BBC3: variants seen among roughly 807,000 people sequenced by gnomAD.
BBC3 encodes BCL2 binding component 3.
A neutral mutation model predicts 18.2 loss-of-function variants in BBC3; 5 were observed. The observed-to-expected ratio is 0.27, with a 90% CI of 0.14 to 0.58. BBC3 has a LOEUF of 0.58. Ranked by LOEUF, BBC3 falls within the 20% of genes least tolerant of loss-of-function variation. The pLI is 0.91. For synonymous variants in BBC3, 119 were observed against 128.0 expected, an observed-to-expected ratio of 0.93 and a Z score of 0.47; for missense variants, 224 against 268.9, an observed-to-expected ratio of 0.83 and a Z score of 1.17.
Position 47,228,905 on chromosome 19 carries a change from C to G in BBC3, c.-15-459G>C, listed in dbSNP as rs1046539852. Among the ~76,000 whole-genome samples the G allele has an allele frequency of 1.3e-5, 2 of 151,998 alleles. No individual in the cohort carries two copies. Among genetic ancestry groups the G allele is most frequent in the African/African-American group, 4.8e-5 (2 of 41,342 alleles). On this transcript the variant is annotated intron_variant, in intron 1 of 3. Transcript: ENST00000439096. The surrounding 1 kb of genome is among the most constrained non-coding windows in gnomAD (Gnocchi z 5.5). ...CACACACACAAGGACTCACACGGGA[C>G]TGGCCAGCCTGACCGCCCACCCCAC...
rs184609559 is a variant in BBC3, at chr19:47,221,790, G to A, written c.*12C>T. The A allele has an allele frequency of 8.6e-5, 139 of 1,610,338 alleles. No individual in the cohort carries two copies. Among genetic ancestry groups the A allele is most frequent in the Middle Eastern group, 8.4e-4 (5 of 5,964 alleles). On this transcript the variant is annotated 3_prime_UTR_variant, in exon 4 of 4. Coordinates refer to ENST00000439096, the MANE Select transcript of BBC3 (RefSeq NM_014417.5). ...CCCGAGTCCCTGACGTCCACCGGGC[G>A]GGTGCAGGCACCTAATTGGGCTCCA...
intron 2 of BBC3, among the ~76,000 whole-genome samples, chr19:47,227,825 T>A (rs947754195): frequency 1.3e-5 from 2 of 152,076 alleles, no homozygotes; most frequent in East Asian, 1.9e-4. Context: ...CCACTCTCCC[T>A]GCAACAGGAA....
chr19:47,222,182 T>G, intron 3 of BBC3: 2 of 405,002 alleles, frequency 4.9e-6, no homozygotes, highest in Non-Finnish European at 4.4e-6. Flanking sequence ...GACTGCCCCG[T>G]CTCTGTTGTA....
At chr19:47,231,743 G>A (rs2058917636), upstream of BBC3, among the ~76,000 whole-genome samples, 1 of 152,022 alleles carries the variant, frequency 6.6e-6, no homozygotes, top group Non-Finnish European at 1.5e-5. This position sits in a 1 kb window ranked among gnomAD's most constrained non-coding sequence, Gnocchi z 4.0. Flanking sequence ...ACAAGCAGAC[G>A]GACACAATGA....
Position 47,221,349 on chromosome 19 carries a change from G to T in BBC3, c.*453C>A, listed in dbSNP as rs1049842632. On this transcript the variant is annotated 3_prime_UTR_variant, in exon 4 of 4. Coordinates refer to ENST00000439096, the MANE Select transcript of BBC3 (RefSeq NM_014417.5). ...ACGTTTGGCTCATTTGCTCTTCACGGGCCCCCTCCCAGGAGGAGGGGGGGA... is the reference window on the plus strand; with the variant it reads ...ACGTTTGGCTCATTTGCTCTTCACGTGCCCCCTCCCAGGAGGAGGGGGGGA... The T allele has an allele frequency of 4.4e-6, 1 of 229,690 alleles. No individual in the cohort carries two copies. The highest frequency in any genetic ancestry group is 1.2e-4 in the East Asian group (1 of 8,142). 14.2% of individuals were successfully genotyped at this position (229,690 alleles called of 1,614,324 possible).
chr19:47,231,344 G>A (rs1221235000), upstream of BBC3: 3 of 375,742 alleles, frequency 8.0e-6, no homozygotes, highest in Admixed American at 6.5e-5. This position sits in a 1 kb window ranked among gnomAD's most constrained non-coding sequence, Gnocchi z 4.0. Context: ...TTGCAGGCGC[G>A]CGCCGCGCCC....
In BBC3 at chr19:47,228,291, G is replaced by A. The variant is rs2058863856; in HGVS notation, c.141C>T (p.Ala47=). ...CGLCEPGLAA[A]PAAPTLLPAA... ...CGGGCAGCAGGGTGGGGGCGGCGGG[G>A]GCGGCAGCCAGGCCGGGCTCGCAGA... The change falls in exon 2 of 4, where the codon GCC becomes GCT. Residue 47 remains alanine, a synonymous_variant. Transcript: ENST00000439096. The surrounding 1 kb of genome is among the most constrained non-coding windows in gnomAD (Gnocchi z 5.5). 2.5e-6 allele frequency: 3 copies of A among 1,219,620 alleles called. No individual in the cohort carries two copies. Among genetic ancestry groups the A allele is most frequent in the Non-Finnish European group, 3.1e-6 (3 of 980,328 alleles). 75.5% of individuals were successfully genotyped at this position (1,219,620 alleles called of 1,614,324 possible). A position where few individuals can be genotyped will look rare whatever the true frequency, so the allele number is the denominator to read the frequency against.
At chr19:47,224,623 C>T (rs1011299858) in intron 3 of BBC3, among the ~76,000 whole-genome samples, 2 of 151,590 alleles carry the variant, frequency 1.3e-5, no homozygotes, top group African/African-American at 4.9e-5. Context: ...GACCCTGTCT[C>T]TAAACATAAA....
At chr19:47,231,551 T>C (rs1248406669), upstream of BBC3, among the ~76,000 whole-genome samples, 2 of 152,024 alleles carry the variant, frequency 1.3e-5, no homozygotes, top group African/African-American at 4.8e-5. The surrounding 1 kb of genome is among the most constrained non-coding windows in gnomAD (Gnocchi z 4.0). Context: ...CGACGGGCGT[T>C]CCAGGGTCCA....
At position 47,230,582 on chromosome 19, in the gene BBC3, C is replaced by A. The variant is rs1344050977; in HGVS notation, c.-16+347G>T. ...TGGGTGTGGCCGCCCCTCCGTGCCG[C>A]CCCCCCGCCCCTCCCGGACTTTGGG... is the stretch of plus-strand genomic sequence containing the variant. On this transcript the variant is annotated intron_variant, in intron 1 of 3. Coordinates refer to ENST00000439096, the MANE Select transcript of BBC3 (RefSeq NM_014417.5). This position sits in a 1 kb window ranked among gnomAD's most constrained non-coding sequence, Gnocchi z 6.7. Among the ~76,000 whole-genome samples the A allele has an allele frequency of 6.6e-6, 1 of 151,412 alleles. No individual in the cohort carries two copies.
Position 47,221,595 on chromosome 19 carries a change from G to C in BBC3, c.*207C>G. On this transcript the variant is annotated 3_prime_UTR_variant, in exon 4 of 4. Transcript: ENST00000439096. The stretch of plus-strand genomic sequence containing the variant: ...CGTCCCTCTCCTGGCTTCTTGGCCA[G>C]GGACCCAGGAGTCCGCATCTCCGTC... The C allele has an allele frequency of 1.9e-6, 2 of 1,068,936 alleles. No homozygotes were observed. Among genetic ancestry groups the C allele is most frequent in the Non-Finnish European group, 1.3e-6 (1 of 757,474 alleles). 66.2% of individuals were successfully genotyped at this position (1,068,936 alleles called of 1,614,324 possible).
chr19:47,229,500 ACT>A (rs1007140048), intron 1 of BBC3, among the ~76,000 whole-genome samples: 79 of 151,264 alleles, frequency 5.2e-4, no homozygotes, highest in African/African-American at 1.9e-3. Context: ...CCTACAGCTA[ACT>A]CTAATCCCAC....
At position 47,221,820 on chromosome 19, in the gene BBC3, G is replaced by C; in HGVS notation, c.564C>G (p.Pro188=). Reference sequence around the variant, plus strand: ...CAGGCACCTAATTGGGCTCCATCTCGGGGGCTCTGTGGCCCCTGGGTAAGG... The same window carrying C: ...CAGGCACCTAATTGGGCTCCATCTCCGGGGCTCTGTGGCCCCTGGGTAAGG... ...LLPLPRGHRA[P]EMEPN The change falls in exon 4 of 4, where the codon CCC becomes CCG. Residue 188 remains proline (P), a synonymous_variant. Transcript: ENST00000439096. 2 of 1,613,462 alleles carry C rather than the reference G, an allele frequency of 1.2e-6. No homozygotes were observed. The highest frequency in any genetic ancestry group is 1.7e-6 in the Non-Finnish European group (2 of 1,179,764).
intron 3 of BBC3, among the ~76,000 whole-genome samples, chr19:47,225,654 G>T (rs1286365289): frequency 6.6e-6 from 1 of 152,184 alleles, no homozygotes; most frequent in Non-Finnish European, 1.5e-5. Flanking sequence ...ACCGTGCCTG[G>T]CTGAACATAG....
chr19:47,222,008 C>A (rs555706070), intron 3 of BBC3, 90 bp from the exon 4 acceptor site: 27 of 1,180,868 alleles, frequency 2.3e-5, no homozygotes, highest in Non-Finnish European at 2.9e-5. Flanking sequence ...AGCGAGGCGA[C>A]AGTCTCGCCC....
intron 2 of BBC3, 60 bp from the exon 3 acceptor site, chr19:47,226,814 C>G (rs992160258): frequency 2.3e-6 from 3 of 1,306,112 alleles, no homozygotes; most frequent in African/African-American, 3.1e-5. Flanking sequence ...CGAGGTGTCT[C>G]GGCCTGCTCC....
At chr19:47,222,593 T>C (rs1370803796) in intron 3 of BBC3, 8 of 152,202 alleles carry the variant, frequency 5.3e-5, no homozygotes, top group African/African-American at 9.7e-5. Context: ...TCCCAGCACT[T>C]TGAGAGGCCA....
At chr19:47,224,524 G>A (rs567775327) in intron 3 of BBC3, among the ~76,000 whole-genome samples, 1 of 152,138 alleles carries the variant, frequency 6.6e-6, no homozygotes, top group East Asian at 1.9e-4. Context: ...TACTTGGGAG[G>A]CTGAGGCGGG....
rs758746299 is a variant in BBC3 at position 47,221,927 on chromosome 19, AAG to A, written c.466-11_466-10del. 24 of 1,594,186 alleles carry A rather than the reference AAG, an allele frequency of 1.5e-5. No homozygotes were observed. In the African/African-American group the frequency reaches 2.8e-4, roughly 19 times the overall value. On this transcript the variant is annotated splice_polypyrimidine_tract_variant and intron_variant, in intron 3 of 3. Transcript: ENST00000439096. ...TGCTGCTCCTCTTGTCTCTGGGGAA[AAG>A]AGAGAGAAGGGGCAGTTAGCAGGGG...
Sources: gnomAD v4.1 joint callset for allele counts (sites outside exome capture counted in the v4.1 genomes callset) on GRCh38, gnomAD v4.1.1 for gene constraint, Gnocchi (gnomAD v3.1) non-coding constraint, MANE v1.5 for transcripts, NCBI Gene and HGNC (gene_info 2026-07-23, HGNC 2026-07-21) for gene names.